TFAM: variants seen among roughly 807,000 people sequenced by gnomAD.
TFAM encodes transcription factor A, mitochondrial, also known as mitochondrial transcription factor 1.
A neutral mutation model predicts 30.6 loss-of-function variants in TFAM; 13 were observed. The observed-to-expected ratio is 0.42, with a 90% CI of 0.28 to 0.67. The LOEUF is 0.67. Among genes scored for constraint, TFAM ranks in the 30% least tolerant of loss-of-function variants. TFAM has a pLI of 0.21. For synonymous variants in TFAM, 106 were observed against 94.8 expected (o/e 1.12, Z -0.69); for missense variants, 231 against 293.7 (o/e 0.79, Z 1.56).
rs140095939 is a variant in TFAM at position 58,394,917 on chromosome 10, C to T, written c.595-11C>T. 131 of 1,609,770 alleles carry T rather than the reference C, an allele frequency of 8.1e-5. 2 individuals are homozygous for T. In the African/African-American group the frequency reaches 1.5e-3, roughly 18 times the overall value. On this transcript the variant is annotated splice_polypyrimidine_tract_variant and intron_variant, in intron 6 of 6. Transcript: ENST00000487519. ...TAAGTAAATCATTTTAACAGTTATG[C>T]TTTTTCTCAGTTATATATTCAGCAT...
intron 2 of TFAM, among the ~76,000 whole-genome samples, chr10:58,386,928 T>C (rs564862343): frequency 1.3e-5 from 2 of 151,852 alleles, no homozygotes; most frequent in East Asian, 3.9e-4. Context: ...CCAGGTAGGA[T>C]GTTTGTTGAC....
At chr10:58,386,776 A>G in intron 2 of TFAM, 2 of 861,964 alleles carry the variant, frequency 2.3e-6, no homozygotes, top group South Asian at 7.8e-5. Flanking sequence ...AGAGCTTTCA[A>G]GATAAGAAAG....
chr10:58,389,091 A>G (rs1254872873), intron 4 of TFAM, among the ~76,000 whole-genome samples: 1 of 152,230 alleles, frequency 6.6e-6, no homozygotes, highest in Admixed American at 6.5e-5. Context: ...TGGAAACTAC[A>G]GGAACAGAGT....
Position 58,385,433 on chromosome 10 carries a change from AT to A in TFAM, c.-114del. ...CCATAGTGCCTCGCTAGTGGCGGGC[AT>A]GATAACACACGCCGGAGGGTCGCAC... On this transcript the variant is annotated 5_prime_UTR_variant, in exon 1 of 7. It removes an upstream start codon present in the reference 5' UTR. Transcript: ENST00000487519. 1.3e-6 allele frequency: 1 copy of A among 750,030 alleles called. No individual in the cohort carries two copies. The highest frequency in any genetic ancestry group is 2.3e-6 in the Non-Finnish European group (1 of 436,866). 46.5% of individuals were successfully genotyped at this position (750,030 alleles called of 1,614,324 possible). A position where few individuals can be genotyped will look rare whatever the true frequency, so the allele number is the denominator to read the frequency against.
chr10:58,390,735 AT>A, intron 4 of TFAM, 29 bp from the exon 5 acceptor site: 1 of 1,558,202 alleles, frequency 6.4e-7, no homozygotes. Context: ...GGTTAACACT[AT>A]TTTTGACCCT....
chr10:58,391,977 T>C (rs1483328511), intron 5 of TFAM, among the ~76,000 whole-genome samples: 2 of 151,530 alleles, frequency 1.3e-5, no homozygotes, highest in African/African-American at 2.4e-5. Flanking sequence ...CTCCTCGGTA[T>C]TCACCAGCTT....
intron 4 of TFAM, among the ~76,000 whole-genome samples, chr10:58,389,071 A>C (rs960634490): frequency 6.6e-6 from 1 of 152,222 alleles, no homozygotes; most frequent in Non-Finnish European, 1.5e-5. Flanking sequence ...TACAGTTCGT[A>C]GAACAGTAAT....
chr10:58,389,214 G>C (rs533435717), intron 4 of TFAM, among the ~76,000 whole-genome samples: 1 of 152,284 alleles, frequency 6.6e-6, no homozygotes, highest in Admixed American at 6.5e-5. Context: ...ATGGAATATT[G>C]CTGAGTAGAC....
At chr10:58,386,650 C>T (rs1388955223) in intron 2 of TFAM, 11 of 1,163,666 alleles carry the variant, frequency 9.5e-6, no homozygotes, top group South Asian at 4.0e-5. Flanking sequence ...TCTTGCCTAG[C>T]TCCTCCTTTT....
intron 6 of TFAM, among the ~76,000 whole-genome samples, chr10:58,394,725 A>AT (rs1399289976): frequency 6.6e-6 from 1 of 152,198 alleles, no homozygotes. Context: ...ATTCAAAGAG[A>AT]TAACAGTCTA....
chr10:58,385,661 G>A lies in TFAM; in HGVS notation c.101+13G>A, dbSNP rs1426092557. 1.9e-6 allele frequency: 3 copies of A among 1,548,942 alleles called. No homozygotes were observed. Among genetic ancestry groups the A allele is most frequent in the South Asian group, 1.2e-5 (1 of 84,064 alleles). ...GCTCCCCCTTCAGGTAGGCCCGCTT[G>A]CCTGTGCCCTAGGGGCAGCAGGGCC... On this transcript the variant is annotated intron_variant, in intron 1 of 6. Transcript: ENST00000487519.
intron 4 of TFAM, 115 bp from the exon 5 acceptor site, chr10:58,390,650 A>G (rs1045579387): frequency 2.6e-5 from 21 of 823,280 alleles, no homozygotes; most frequent in Non-Finnish European, 3.6e-5. Context: ...AAGAATCATA[A>G]CATTCACTTT....
intron 5 of TFAM, among the ~76,000 whole-genome samples, chr10:58,393,065 C>T (rs908998985): frequency 1.3e-5 from 2 of 151,990 alleles, no homozygotes; most frequent in African/African-American, 2.4e-5. Context: ...CTGCAACCTG[C>T]GCCTCCCGGG....
In TFAM at chr10:58,396,951, G is replaced by A. The variant is rs1158645009; in HGVS notation, c.*1877G>A. 6.6e-6 allele frequency: 1 copy of A among 152,212 alleles called. No homozygotes were observed. The highest frequency in any genetic ancestry group is 1.5e-5 in the Non-Finnish European group (1 of 68,054). The allele number at this position is 152,212 out of a possible 1,614,324, so 9.4% of individuals were successfully genotyped here. On this transcript the variant is annotated 3_prime_UTR_variant, in exon 7 of 7. Transcript: ENST00000487519. ...AGACAGGACAGTGTTGGCCATTGGT[G>A]AAATAGATAGGATGGGTTTGAGGCC... is the stretch of plus-strand genomic sequence containing the variant.
rs375752119 is a variant in TFAM, at chr10:58,395,031, G to A, written c.698G>A (p.Arg233His). ...IEVGRKDLLR[R>H]TIKKQRKYGA... ...GTTGGACGAAAGGATCTTCTACGTCGCACAATAAAGAAACAACGAAAATAT... is the reference window on the plus strand; with the variant it reads ...GTTGGACGAAAGGATCTTCTACGTCACACAATAAAGAAACAACGAAAATAT... The change falls in exon 7 of 7, where the codon CGC becomes CAC. Residue 233 changes from arginine to histidine, a missense_variant. Arg to His is a conservative substitution (Grantham distance 29, BLOSUM62 0). Coordinates refer to ENST00000487519, the MANE Select transcript of TFAM (RefSeq NM_003201.3). The A allele has an allele frequency of 1.9e-5, 31 of 1,613,426 alleles. No homozygotes were observed. Among genetic ancestry groups the A allele is most frequent in the Admixed American group, 1.5e-4 (9 of 59,994 alleles).
intron 5 of TFAM, among the ~76,000 whole-genome samples, chr10:58,392,257 A>G (rs1215052877): frequency 1.3e-5 from 2 of 152,144 alleles, no homozygotes; most frequent in Non-Finnish European, 2.9e-5. Flanking sequence ...CACTTGTTAG[A>G]CTGGGCATAG....
chr10:58,395,172 G>A lies in TFAM; in HGVS notation c.*98G>A. On this transcript the variant is annotated 3_prime_UTR_variant, in exon 7 of 7. Coordinates refer to ENST00000487519, the MANE Select transcript of TFAM (RefSeq NM_003201.3). ...CGTAAAATTAAGAAAGGATAAAGTT[G>A]GTAAACCTTTTATATTTAGTATCTT... is the stretch of plus-strand genomic sequence containing the variant. 2.1e-5 allele frequency: 26 copies of A among 1,256,216 alleles called. No homozygotes were observed. The highest frequency in any genetic ancestry group is 2.9e-5 in the Non-Finnish European group (25 of 875,596). The allele number at this position is 1,256,216 out of a possible 1,614,324, so 77.8% of individuals were successfully genotyped here.
chr10:58,397,722 C>T lies in TFAM; in HGVS notation c.*2648C>T, dbSNP rs1210944023. ...CTTATAAAGAATAAGAACATCATAA[C>T]CAATGACCACTCATATAAAGTCTTA... On this transcript the variant is annotated 3_prime_UTR_variant, in exon 7 of 7. Transcript: ENST00000487519. The T allele has an allele frequency of 6.6e-6, 1 of 151,126 alleles. No individual in the cohort carries two copies. The highest frequency in any genetic ancestry group is 1.5e-5 in the Non-Finnish European group (1 of 67,900). The allele number at this position is 151,126 out of a possible 1,614,324, so 9.4% of individuals were successfully genotyped here.
At chr10:58,389,935 A>T (rs940856339) in intron 4 of TFAM, among the ~76,000 whole-genome samples, 1 of 152,220 alleles carries the variant, frequency 6.6e-6, no homozygotes, top group African/African-American at 2.4e-5. Flanking sequence ...TTACAAGTAA[A>T]ACCCTCAGGA....
Sources: gnomAD v4.1 joint callset for allele counts (sites outside exome capture counted in the v4.1 genomes callset) on GRCh38, gnomAD v4.1.1 for gene constraint, MANE v1.5 for transcripts, NCBI Gene and HGNC (gene_info 2026-07-23, HGNC 2026-07-21) for gene names.